Variants in FTO observed in about 807,000 individuals in gnomAD.
The protein encoded by FTO is alpha-ketoglutarate-dependent dioxygenase FTO.
Under a neutral mutation model 63.9 loss-of-function variants are expected in FTO, and 47 were observed. That is an observed-to-expected ratio of 0.74 (90% CI 0.58 to 0.94). The LOEUF (loss-of-function observed/expected upper bound fraction) is 0.94, where lower values mean the gene tolerates loss of function less well. FTO is among the 40% of genes least tolerant of loss of function. The probability of loss-of-function intolerance (pLI) is 0.00; values close to 1 mark genes in which losing one functional copy is unlikely to be tolerated. For synonymous variants in FTO, 207 were observed against 224.4 expected (o/e 0.92, Z 0.69); for missense variants, 562 against 618.1 (o/e 0.91, Z 0.96).
chr16:53,745,567 C>A lies in FTO; in HGVS notation c.45+41338C>A, dbSNP rs557139677. On this transcript the variant is annotated intron_variant, in intron 1 of 8. Transcript: ENST00000471389. ...GCACCTTAAAAGCATTGTATGTCCACAAAGATAAGATAGATTTTTATGTGC... is the reference window on the plus strand; with the variant it reads ...GCACCTTAAAAGCATTGTATGTCCAAAAAGATAAGATAGATTTTTATGTGC... Among the ~76,000 whole-genome samples the A allele has an allele frequency of 3.3e-5, 5 of 152,268 alleles. No homozygotes were observed. The South Asian group carries it at 8.3e-4, about 25-fold the overall frequency.
At chr16:53,779,912 A>G (rs1053647147) in intron 1 of FTO, among the ~76,000 whole-genome samples, 6 of 152,096 alleles carry the variant, frequency 3.9e-5, no homozygotes, top group Admixed American at 1.3e-4. Flanking sequence ...TTCTGTCACT[A>G]CTACTACAGG....
At chr16:53,763,657 A>T (rs1478745099) in intron 1 of FTO, among the ~76,000 whole-genome samples, 1 of 152,234 alleles carries the variant, frequency 6.6e-6, no homozygotes, top group Admixed American at 6.5e-5. Flanking sequence ...TCACTTATAA[A>T]GTCAAGGTAG....
At position 53,734,347 on chromosome 16, in the gene FTO, T is replaced by C. The variant is rs531079000; in HGVS notation, c.45+30118T>C. On this transcript the variant is annotated intron_variant, in intron 1 of 8. Transcript: ENST00000471389. ...ACTGTCATTTCTGTTCTGAATGTTA[T>C]AAACTCTCTGTACAAAATTTGAAAG... 3.3e-5 allele frequency among the ~76,000 whole-genome samples: 5 copies of C among 152,360 alleles called. No homozygotes were observed. In the South Asian group the frequency reaches 8.3e-4, roughly 25 times the overall value.
intron 1 of FTO, among the ~76,000 whole-genome samples, chr16:53,756,393 C>A (rs779390403): frequency 8.5e-5 from 13 of 152,144 alleles, no homozygotes; most frequent in Admixed American, 3.9e-4. Flanking sequence ...CCATAGGAAG[C>A]TTTTTAAAAT....
At chr16:53,902,169 C>A (rs2081420315) in intron 7 of FTO, among the ~76,000 whole-genome samples, 1 of 152,140 alleles carries the variant, frequency 6.6e-6, no homozygotes. Flanking sequence ...TCTTTCAAGG[C>A]CTGAAACATT....
chr16:53,752,635 A>G (rs1390514184), intron 1 of FTO, among the ~76,000 whole-genome samples: 1 of 152,204 alleles, frequency 6.6e-6, no homozygotes. Flanking sequence ...TCCATATGGA[A>G]TAATTTGTCT....
intron 8 of FTO, among the ~76,000 whole-genome samples, chr16:54,077,874 A>G (rs111736654): frequency 6.7e-4 from 102 of 152,276 alleles, no homozygotes; most frequent in Non-Finnish European, 1.0e-3. Flanking sequence ...AGAAGGGGTC[A>G]GGAACCCGGA....
chr16:53,831,381 G>C (rs1164690755), intron 3 of FTO, among the ~76,000 whole-genome samples: 1 of 151,938 alleles, frequency 6.6e-6, no homozygotes, highest in African/African-American at 2.4e-5. Context: ...ATTTTTGGGG[G>C]TGACCATCCA....
intron 1 of FTO, among the ~76,000 whole-genome samples, chr16:53,720,531 T>C (rs1854490155): frequency 6.6e-6 from 1 of 151,104 alleles, no homozygotes; most frequent in Non-Finnish European, 1.5e-5. Flanking sequence ...ATATCGTGTA[T>C]AGTGATAAGA....
chr16:53,871,853 A>T (rs1383350589), intron 4 of FTO, among the ~76,000 whole-genome samples: 1 of 152,036 alleles, frequency 6.6e-6, no homozygotes, highest in Non-Finnish European at 1.5e-5. Flanking sequence ...CAGCCTCCTG[A>T]GTAGCTGGGA....
rs542954063 is a variant in FTO, at chr16:53,965,467, A to T, written c.1364+31358A>T. On this transcript the variant is annotated intron_variant, in intron 8 of 8. Transcript: ENST00000471389. ...TAGCAGTATCATTTAACTGTGTGGC[A>T]TGTTTGGGTAGGTAGCTTTTCTGTT... is the stretch of plus-strand genomic sequence containing the variant. 4.6e-5 allele frequency among the ~76,000 whole-genome samples: 7 copies of T among 152,250 alleles called. No individual in the cohort carries two copies. In the East Asian group the frequency reaches 1.4e-3, roughly 29 times the overall value.
chr16:53,768,313 G>C (rs1388027897), intron 1 of FTO, among the ~76,000 whole-genome samples: 1 of 152,212 alleles, frequency 6.6e-6, no homozygotes, highest in Non-Finnish European at 1.5e-5. Context: ...GCCAGATAGA[G>C]CTCAGGTTTT....
In FTO at chr16:53,762,519, A is replaced by G. The variant is rs534192181; in HGVS notation, c.46-47621A>G. 7.9e-4 allele frequency among the ~76,000 whole-genome samples: 121 copies of G among 152,250 alleles called. 1 individual carries two copies. The highest frequency in any genetic ancestry group is 2.7e-3 in the African/African-American group (112 of 41,558). ...ACAGAAATAGAGGCTTGATCAGACA[A>G]TATAAGCACCGAGTGAATGATGGTA... On this transcript the variant is annotated intron_variant, in intron 1 of 8. Coordinates refer to ENST00000471389, the MANE Select transcript of FTO (RefSeq NM_001080432.3).
chr16:54,102,349 G>T (rs534714113), intron 8 of FTO, among the ~76,000 whole-genome samples: 1 of 152,298 alleles, frequency 6.6e-6, no homozygotes. Context: ...AGGATGATGG[G>T]AAACCTTTAC....
At chr16:54,085,661 TGTAA>T (rs2086240888) in intron 8 of FTO, among the ~76,000 whole-genome samples, 5 of 152,216 alleles carry the variant, frequency 3.3e-5, no homozygotes, top group Admixed American at 2.6e-4. Flanking sequence ...TGGAATTTTC[TGTAA>T]GTAAGGAGCA....
At chr16:54,073,757 T>C (rs908524816) in intron 8 of FTO, among the ~76,000 whole-genome samples, 1 of 152,116 alleles carries the variant, frequency 6.6e-6, no homozygotes, top group Non-Finnish European at 1.5e-5. Context: ...CAGGAACTCT[T>C]CTTTCTAATA....
chr16:53,963,750 T>A (rs1396723932), intron 8 of FTO, among the ~76,000 whole-genome samples: 1 of 152,200 alleles, frequency 6.6e-6, no homozygotes, highest in Admixed American at 6.5e-5. Context: ...CATGAGCCAA[T>A]TAAACCTCTT....
At chr16:53,927,633 C>G (rs1163331665) in intron 7 of FTO, among the ~76,000 whole-genome samples, 1 of 152,090 alleles carries the variant, frequency 6.6e-6, no homozygotes, top group East Asian at 1.9e-4. Flanking sequence ...CTTGGGATAA[C>G]AACAGTTCCT....
intron 8 of FTO, among the ~76,000 whole-genome samples, chr16:54,000,214 A>C (rs567139092): frequency 6.6e-6 from 1 of 152,180 alleles, no homozygotes; most frequent in South Asian, 2.1e-4. Flanking sequence ...TTGTCACCTC[A>C]TGTTGACATT....
Sources: allele counts gnomAD v4.1 joint callset (sites outside exome capture counted in the v4.1 genomes callset), GRCh38; gene constraint gnomAD v4.1.1; transcripts MANE v1.5; gene names NCBI Gene and HGNC (gene_info 2026-07-23, HGNC 2026-07-21).